The following EYS variants were observed in gnomAD, a reference collection of about 807,000 sequenced individuals.
EYS encodes protein eyes shut homolog.
Under a neutral mutation model 282.1 loss-of-function variants are expected in EYS, and 250 were observed. The observed-to-expected ratio is 0.89, with a 90% CI of 0.80 to 0.98. The LOEUF (loss-of-function observed/expected upper bound fraction) is 0.98. Ranked by LOEUF, EYS falls within the 50% of genes least tolerant of loss-of-function variation. EYS has a pLI of 0.00. For synonymous variants in EYS, 1,355 were observed against 1,282.9 expected, an observed-to-expected ratio of 1.06 and a Z score of -1.20; for missense variants, 4,016 against 3,709.0, an observed-to-expected ratio of 1.08 and a Z score of -2.15.
chr6:64,285,234 T>C (rs1240570590), intron 30 of EYS, among the ~76,000 whole-genome samples: 4 of 150,744 alleles, frequency 2.7e-5, no homozygotes, highest in Non-Finnish European at 5.9e-5. Context: ...CTTGAATGCT[T>C]TACCACTTAG....
intron 29 of EYS, among the ~76,000 whole-genome samples, chr6:64,312,021 C>T: frequency 6.8e-6 from 1 of 147,294 alleles, no homozygotes. Flanking sequence ...GGAATGCCGG[C>T]GAGAAGGAAG....
At chr6:64,367,368 A>G (rs533761297) in intron 29 of EYS, among the ~76,000 whole-genome samples, 1 of 152,176 alleles carries the variant, frequency 6.6e-6, no homozygotes, top group Middle Eastern at 3.4e-3. Flanking sequence ...GAAACCCACA[A>G]CTAAAAAAAT....
At chr6:65,056,724 A>G (rs1265269224) in intron 13 of EYS, among the ~76,000 whole-genome samples, 2 of 152,174 alleles carry the variant, frequency 1.3e-5, no homozygotes, top group Non-Finnish European at 2.9e-5. Context: ...AGTGTCTATT[A>G]TATAAATATT....
chr6:63,810,372 C>T (rs1771018190), intron 36 of EYS, among the ~76,000 whole-genome samples: 1 of 145,396 alleles, frequency 6.9e-6, no homozygotes, highest in South Asian at 2.2e-4. Context: ...GCACAATGCA[C>T]AGAAGTGGCT....
intron 22 of EYS, among the ~76,000 whole-genome samples, chr6:64,663,868 TA>T (rs901530135): frequency 1.1e-4 from 17 of 152,074 alleles, no homozygotes; most frequent in African/African-American, 3.1e-4. Context: ...ATAGCTCTAT[TA>T]GAAGCCCTGG....
At chr6:64,723,479 A>G (rs1296498337) in intron 22 of EYS, among the ~76,000 whole-genome samples, 2 of 152,178 alleles carry the variant, frequency 1.3e-5, no homozygotes, top group South Asian at 2.1e-4. Context: ...CATCACTGCC[A>G]TCTGTAGTGA....
chr6:64,841,847 C>T (rs1765572831), intron 19 of EYS, among the ~76,000 whole-genome samples: 1 of 152,144 alleles, frequency 6.6e-6, no homozygotes, highest in Non-Finnish European at 1.5e-5. Context: ...TTCGCCAACA[C>T]ATCACTGTCA....
intron 22 of EYS, among the ~76,000 whole-genome samples, chr6:64,655,066 AT>A (rs1430404761): frequency 2.0e-5 from 3 of 152,164 alleles, no homozygotes; most frequent in Non-Finnish European, 2.9e-5. Flanking sequence ...CGTGAAAAAA[AT>A]CGATCCATCA....
rs186677255 is a variant in EYS at position 64,208,909 on chromosome 6, T to C, written c.6424+21683A>G. Among the ~76,000 whole-genome samples the C allele has an allele frequency of 6.0e-3, 908 of 152,224 alleles. 1 individual carries two copies. Among genetic ancestry groups the C allele is most frequent in the African/African-American group, 0.021 (864 of 41,568 alleles). On this transcript the variant is annotated intron_variant, in intron 31 of 42. Transcript: ENST00000503581. ...CCTTCAATAAATGTTTTTGAATAAA[T>C]AAAAGCATGACTAAATTGATTAATA... is the stretch of plus-strand genomic sequence containing the variant.
chr6:64,829,905 C>T (rs183148043), intron 19 of EYS, among the ~76,000 whole-genome samples: 30 of 151,978 alleles, frequency 2.0e-4, no homozygotes, highest in African/African-American at 6.3e-4. Flanking sequence ...AGGGGAGGGA[C>T]CCTTGCGCTA....
In EYS at chr6:63,778,598, T is replaced by C. The variant is rs367977782; in HGVS notation, c.7724-418A>G. ...TATCAAAATATATTTAATAAACCTA[T>C]AATTATTATACCATTGACTTATTTA... On this transcript the variant is annotated intron_variant, in intron 39 of 42. Transcript: ENST00000503581. Among the ~76,000 whole-genome samples the C allele has an allele frequency of 3.3e-5, 5 of 152,326 alleles. No individual in the cohort carries two copies. The East Asian group carries it at 9.6e-4, about 29-fold the overall frequency.
intron 1 of EYS, among the ~76,000 whole-genome samples, chr6:65,700,841 A>C (rs2149852272): frequency 6.6e-6 from 1 of 152,326 alleles, no homozygotes; most frequent in African/African-American, 2.4e-5. Flanking sequence ...TGTAAAATAT[A>C]GTGTGGGTTT....
intron 16 of EYS, among the ~76,000 whole-genome samples, chr6:64,909,571 C>A (rs1767929361): frequency 6.6e-6 from 1 of 151,988 alleles, no homozygotes; most frequent in African/African-American, 2.4e-5. Flanking sequence ...GCTCTTTTGC[C>A]TCCTCATTTT....
Position 64,187,344 on chromosome 6 carries a change from G to T in EYS, c.6424+43248C>A, listed in dbSNP as rs1764976623. Among the ~76,000 whole-genome samples, 3 of 151,942 alleles carry T rather than the reference G, an allele frequency of 2.0e-5. No homozygotes were observed. In the South Asian group the frequency reaches 6.2e-4, roughly 32 times the overall value. Reference sequence around the variant, plus strand: ...CTAATGATGTCACAAGAAATAAAAAGATAATAAAAACAGCTTAATTCTTAA... The same window carrying T: ...CTAATGATGTCACAAGAAATAAAAATATAATAAAAACAGCTTAATTCTTAA... On this transcript the variant is annotated intron_variant, in intron 31 of 42. Transcript: ENST00000503581.
chr6:65,501,509 A>G (rs561621299), intron 2 of EYS, among the ~76,000 whole-genome samples: 4 of 151,960 alleles, frequency 2.6e-5, no homozygotes, highest in Non-Finnish European at 5.9e-5. Context: ...CAGTTGGTCT[A>G]TAGTATATGG....
At chr6:64,571,243 G>A (rs1393014655) in intron 26 of EYS, among the ~76,000 whole-genome samples, 1 of 152,118 alleles carries the variant, frequency 6.6e-6, no homozygotes, top group Non-Finnish European at 1.5e-5. Context: ...TGAGAACAAA[G>A]ACACAATGTA....
chr6:65,157,421 G>A (rs1035945034), intron 12 of EYS, among the ~76,000 whole-genome samples: 1 of 150,496 alleles, frequency 6.6e-6, no homozygotes, highest in Non-Finnish European at 1.5e-5. Context: ...ACCTACCACT[G>A]ACATTATTCT....
chr6:65,502,139 A>G (rs552854269), intron 2 of EYS, among the ~76,000 whole-genome samples: 14 of 151,864 alleles, frequency 9.2e-5, no homozygotes, highest in Admixed American at 7.9e-4. Context: ...TAAGTATATA[A>G]AAGTCAAAGG....
At chr6:63,966,676 G>A (rs778638570) in intron 35 of EYS, among the ~76,000 whole-genome samples, 5 of 152,278 alleles carry the variant, frequency 3.3e-5, no homozygotes, top group Middle Eastern at 3.4e-3. Context: ...TGGGTGGATC[G>A]TTTAACCTCT....
Sources: allele counts gnomAD v4.1 joint callset (sites outside exome capture counted in the v4.1 genomes callset), GRCh38; gene constraint gnomAD v4.1.1; transcripts MANE v1.5; gene names NCBI Gene and HGNC (gene_info 2026-07-23, HGNC 2026-07-21).